Variants in GRIA4 observed in about 807,000 individuals in gnomAD.
The protein encoded by GRIA4 is glutamate ionotropic receptor AMPA type subunit 4.
Under a neutral mutation model 104.0 loss-of-function variants are expected in GRIA4, and 34 were observed. The observed-to-expected ratio is 0.33, with a 90% confidence interval of 0.25 to 0.44. The LOEUF (loss-of-function observed/expected upper bound fraction) is 0.44, where lower values mean the gene tolerates loss of function less well. GRIA4 is among the 20% of genes least tolerant of loss of function. GRIA4 has a pLI of 1.00. For missense variants in GRIA4, 750 were observed against 1,096.5 expected, an observed-to-expected ratio of 0.68 and a Z score of 4.46; for synonymous variants, 386 against 381.9, an observed-to-expected ratio of 1.01 and a Z score of -0.13.
Position 105,933,780 on chromosome 11 carries a change from C to T in GRIA4, c.2105C>T (p.Ser702Leu). ...MWTYMRSAEP[S>L]VFTRTTAEGV... ...ACCTACATGCGATCAGCAGAGCCAT[C>T]AGTATTCACTAGGACTACAGCTGAG... Residue 702 changes from serine (S) to leucine (L), a missense_variant, in exon 14 of 17, where the codon TCA (serine) becomes TTA (leucine). Transcript: ENST00000282499. 5.0e-6 allele frequency: 8 copies of T among 1,611,034 alleles called. No homozygotes were observed. The highest frequency in any genetic ancestry group is 6.8e-6 in the Non-Finnish European group (8 of 1,177,554).
intron 5 of GRIA4, among the ~76,000 whole-genome samples, chr11:105,864,935 C>T (rs1447409420): frequency 1.3e-5 from 2 of 152,066 alleles, no homozygotes; most frequent in Non-Finnish European, 2.9e-5. Context: ...TCAATAATTA[C>T]TTCATTGACA....
At chr11:105,867,251 G>A (rs1945454796) in intron 5 of GRIA4, among the ~76,000 whole-genome samples, 1 of 152,136 alleles carries the variant, frequency 6.6e-6, no homozygotes, top group Non-Finnish European at 1.5e-5. Context: ...CAATGAGAAA[G>A]AGAGGAAAAT....
chr11:105,726,748 G>A (rs1351466232), intron 3 of GRIA4, among the ~76,000 whole-genome samples: 2 of 152,080 alleles, frequency 1.3e-5, no homozygotes, highest in Admixed American at 1.3e-4. Context: ...AACAGGGTCT[G>A]GAATGGACCC....
At chr11:105,821,625 TGAGG>T (rs1750248355) in intron 4 of GRIA4, among the ~76,000 whole-genome samples, 2 of 152,082 alleles carry the variant, frequency 1.3e-5, no homozygotes, top group African/African-American at 4.8e-5. Context: ...CACCCAGCCA[TGAGG>T]GATCCACCCC....
intron 4 of GRIA4, among the ~76,000 whole-genome samples, chr11:105,801,614 C>T (rs1942723474): frequency 6.6e-6 from 1 of 151,904 alleles, no homozygotes; most frequent in African/African-American, 2.4e-5. Context: ...CAATTGAAAA[C>T]TTTGAGTTAA....
chr11:105,726,927 A>G (rs183082032), intron 3 of GRIA4, among the ~76,000 whole-genome samples: 2 of 152,174 alleles, frequency 1.3e-5, no homozygotes, highest in Non-Finnish European at 2.9e-5. Context: ...AAAGATGAGG[A>G]AAAACCATTG....
At chr11:105,942,382 T>C (rs1214372188) in intron 14 of GRIA4, among the ~76,000 whole-genome samples, 1 of 152,142 alleles carries the variant, frequency 6.6e-6, no homozygotes, top group Non-Finnish European at 1.5e-5. Flanking sequence ...ATTTGGCTCA[T>C]ATAAACACCA....
intron 14 of GRIA4, among the ~76,000 whole-genome samples, chr11:105,951,193 A>G (rs1188268026): frequency 6.6e-6 from 1 of 152,210 alleles, no homozygotes; most frequent in East Asian, 1.9e-4. Flanking sequence ...GAAATCACAT[A>G]AGGAGATGAA....
At chr11:105,888,631 G>C (rs1015913359) in intron 6 of GRIA4, among the ~76,000 whole-genome samples, 1 of 151,664 alleles carries the variant, frequency 6.6e-6, no homozygotes, top group African/African-American at 2.4e-5. Flanking sequence ...ACTATCTTGC[G>C]CTTGAAACAG....
chr11:105,815,401 G>A (rs976985127), intron 4 of GRIA4, among the ~76,000 whole-genome samples: 1 of 152,120 alleles, frequency 6.6e-6, no homozygotes, highest in Non-Finnish European at 1.5e-5. Context: ...AGTGTTGATA[G>A]TTAAGACTCT....
At chr11:105,811,342 CAGAG>C (rs763341958) in intron 4 of GRIA4, among the ~76,000 whole-genome samples, 10 of 152,178 alleles carry the variant, frequency 6.6e-5, no homozygotes, top group Admixed American at 1.3e-4. Context: ...CAGAGGCAGA[CAGAG>C]AGACCTCTAA....
chr11:105,638,062 CTAA>C (rs1951256418), intron 3 of GRIA4, among the ~76,000 whole-genome samples: 1 of 152,052 alleles, frequency 6.6e-6, no homozygotes, highest in African/African-American at 2.4e-5. Flanking sequence ...TGCGTTTGAA[CTAA>C]TGTCACAGTG....
At chr11:105,697,209 G>T (rs1427771261) in intron 3 of GRIA4, among the ~76,000 whole-genome samples, 2 of 152,152 alleles carry the variant, frequency 1.3e-5, no homozygotes, top group Non-Finnish European at 2.9e-5. Flanking sequence ...GGTGGTATGA[G>T]AAAAGGCACT....
intron 16 of GRIA4, among the ~76,000 whole-genome samples, chr11:105,978,251 G>A (rs929528194): frequency 3.3e-5 from 5 of 151,890 alleles, no homozygotes; most frequent in Admixed American, 2.6e-4. Flanking sequence ...TGATTTCAAC[G>A]GACTAATAGA....
At chr11:105,611,341 G>C (rs1002056295) in intron 2 of GRIA4, among the ~76,000 whole-genome samples, 3 of 152,118 alleles carry the variant, frequency 2.0e-5, no homozygotes, top group Non-Finnish European at 4.4e-5. Context: ...AGTCGCTTAA[G>C]TAGGATTGAA....
chr11:105,689,488 T>C (rs1457987314), intron 3 of GRIA4, among the ~76,000 whole-genome samples: 2 of 152,190 alleles, frequency 1.3e-5, no homozygotes, highest in Admixed American at 1.3e-4. Flanking sequence ...GATAGGAAAT[T>C]GAACTGAATT....
rs1945331789 is a variant in GRIA4, at chr11:105,864,332, T to A, written c.672+2124T>A. 3.9e-5 allele frequency among the ~76,000 whole-genome samples: 6 copies of A among 152,208 alleles called. No individual in the cohort carries two copies. The South Asian group carries it at 1.2e-3, about 32-fold the overall frequency. ...TGGCTCTTCCACAAGAGCTAATCCA[T>A]ACTTTGTCAGGGGTTTGTACGTGTA... On this transcript the variant is annotated intron_variant, in intron 5 of 16. Transcript: ENST00000282499.
intron 6 of GRIA4, among the ~76,000 whole-genome samples, chr11:105,888,329 GC>G (rs1946347464): frequency 8.6e-6 from 1 of 115,980 alleles, no homozygotes; most frequent in Admixed American, 1.3e-4. Context: ...TGTCGCCCAG[GC>G]TGGAGTGCAG....
chr11:105,762,834 C>G (rs1235310159), intron 4 of GRIA4, among the ~76,000 whole-genome samples: 1 of 152,158 alleles, frequency 6.6e-6, no homozygotes, highest in African/African-American at 2.4e-5. Context: ...TCAATTAAAC[C>G]CCTTTCCTTT....
Sources: gnomAD v4.1 joint callset for allele counts (sites outside exome capture counted in the v4.1 genomes callset) on GRCh38, gnomAD v4.1.1 for gene constraint, MANE v1.5 for transcripts, NCBI Gene and HGNC (gene_info 2026-07-23, HGNC 2026-07-21) for gene names.